The following NEGR1 variants were observed in gnomAD, a reference collection of about 807,000 sequenced individuals.
The protein encoded by NEGR1 is IgLON family member 4.
Under a neutral mutation model 40.9 loss-of-function variants are expected in NEGR1, and 10 were observed. The observed-to-expected ratio is 0.24, with a 90% CI of 0.15 to 0.42. NEGR1 has a LOEUF of 0.42. NEGR1 is among the 10% of genes least tolerant of loss of function. The pLI is 1.00. For synonymous variants in NEGR1, 185 were observed against 166.8 expected (o/e 1.11, Z -0.84); for missense variants, 352 against 438.9 (o/e 0.80, Z 1.77).
chr1:71,441,801 G>A (rs1260431340), intron 6 of NEGR1, among the ~76,000 whole-genome samples: 1 of 152,128 alleles, frequency 6.6e-6, no homozygotes, highest in Admixed American at 6.5e-5. Flanking sequence ...AGGTTATCAA[G>A]AACACTACAT....
chr1:71,562,180 G>T (rs1377308313), intron 6 of NEGR1, among the ~76,000 whole-genome samples: 1 of 151,540 alleles, frequency 6.6e-6, no homozygotes, highest in Non-Finnish European at 1.5e-5. Flanking sequence ...AAAGATTATC[G>T]GGCAAAATAA....
intron 4 of NEGR1, among the ~76,000 whole-genome samples, chr1:71,661,167 G>T (rs1435565196): frequency 6.6e-6 from 1 of 152,172 alleles, no homozygotes; most frequent in Non-Finnish European, 1.5e-5. Flanking sequence ...ACATACATGT[G>T]CATGTGTCTT....
intron 6 of NEGR1, among the ~76,000 whole-genome samples, chr1:71,567,523 G>T (rs1020846181): frequency 2.6e-5 from 4 of 151,938 alleles, no homozygotes; most frequent in Admixed American, 2.0e-4. Flanking sequence ...CTGCTTTTCT[G>T]ATTTCATGAT....
At chr1:71,478,348 C>T (rs769314848) in intron 6 of NEGR1, among the ~76,000 whole-genome samples, 24 of 152,032 alleles carry the variant, frequency 1.6e-4, no homozygotes, top group Admixed American at 9.2e-4. Context: ...GGCACAGACC[C>T]GCTTTTCCAG....
At chr1:72,175,041 T>C (rs1402438635) in intron 1 of NEGR1, among the ~76,000 whole-genome samples, 2 of 152,080 alleles carry the variant, frequency 1.3e-5, no homozygotes, top group Non-Finnish European at 2.9e-5. Flanking sequence ...TATGTATACA[T>C]GTGCCATGCT....
intron 3 of NEGR1, among the ~76,000 whole-genome samples, chr1:71,769,207 C>T (rs2101709537): frequency 6.6e-6 from 1 of 151,760 alleles, no homozygotes; most frequent in African/African-American, 2.4e-5. Context: ...CTTATTAATA[C>T]AATCATATGT....
chr1:71,824,780 T>C (rs1398226255), intron 2 of NEGR1, among the ~76,000 whole-genome samples: 3 of 151,960 alleles, frequency 2.0e-5, no homozygotes, highest in Admixed American at 2.0e-4. Flanking sequence ...CTAACTTCTT[T>C]TGCCCACCAG....
chr1:71,665,312 GA>G (rs1652206437), intron 4 of NEGR1, among the ~76,000 whole-genome samples: 1 of 152,054 alleles, frequency 6.6e-6, no homozygotes, highest in Non-Finnish European at 1.5e-5. Context: ...ACTTCCTATT[GA>G]CTTTAAATTA....
chr1:71,512,601 G>A (rs1052381468), intron 6 of NEGR1, among the ~76,000 whole-genome samples: 6 of 119,432 alleles, frequency 5.0e-5, no homozygotes, highest in Non-Finnish European at 7.2e-5. Context: ...TTTTTTTTTT[G>A]AGAGTGAGTC....
chr1:71,735,430 T>C lies in NEGR1; in HGVS notation c.536-37291A>G, dbSNP rs189620155. On this transcript the variant is annotated intron_variant, in intron 3 of 6. Transcript: ENST00000357731. ...TACTTCAAAAGTGGCAGGGTGAACC[T>C]GAAATCTGATATTTAATGAATGGTT... Among the ~76,000 whole-genome samples the C allele has an allele frequency of 2.0e-4, 31 of 152,188 alleles. No individual in the cohort carries two copies. The East Asian group carries it at 4.4e-3, about 22-fold the overall frequency.
chr1:71,720,536 G>A (rs915625876), intron 3 of NEGR1, among the ~76,000 whole-genome samples: 1 of 152,032 alleles, frequency 6.6e-6, no homozygotes, highest in Non-Finnish European at 1.5e-5. Flanking sequence ...AAATGAATAT[G>A]CTCAAACGGA....
At chr1:71,800,700 C>T (rs971698735) in intron 2 of NEGR1, among the ~76,000 whole-genome samples, 1 of 152,114 alleles carries the variant, frequency 6.6e-6, no homozygotes, top group East Asian at 1.9e-4. Context: ...CCCATCCAGC[C>T]TCATCCCTCC....
intron 3 of NEGR1, among the ~76,000 whole-genome samples, chr1:71,699,037 A>T (rs1177829607): frequency 6.6e-6 from 1 of 151,876 alleles, no homozygotes; most frequent in Non-Finnish European, 1.5e-5. Flanking sequence ...ACCTCCTTGC[A>T]CAGGCCTTGA....
chr1:71,978,208 A>C (rs927781870), intron 1 of NEGR1, among the ~76,000 whole-genome samples: 1 of 151,832 alleles, frequency 6.6e-6, no homozygotes, highest in African/African-American at 2.4e-5. Context: ...GTGCTGTCTG[A>C]AAATTATATG....
intron 1 of NEGR1, among the ~76,000 whole-genome samples, chr1:71,998,500 A>G (rs2100374799): frequency 6.6e-6 from 1 of 151,936 alleles, no homozygotes; most frequent in East Asian, 1.9e-4. Context: ...TCTCACACAC[A>G]GTACACTAAG....
At chr1:71,751,278 T>C (rs1045015296) in intron 3 of NEGR1, among the ~76,000 whole-genome samples, 5 of 152,166 alleles carry the variant, frequency 3.3e-5, no homozygotes, top group Non-Finnish European at 7.4e-5. Context: ...TATTTATTTA[T>C]ACAGTTTACT....
At chr1:71,798,495 C>CT (rs776642388) in intron 2 of NEGR1, among the ~76,000 whole-genome samples, 3 of 152,264 alleles carry the variant, frequency 2.0e-5, no homozygotes, top group Admixed American at 2.0e-4. Context: ...TTAATTATAT[C>CT]TTCACTGTGC....
chr1:71,452,559 G>A (rs952727251), intron 6 of NEGR1, among the ~76,000 whole-genome samples: 2 of 152,118 alleles, frequency 1.3e-5, no homozygotes, highest in Non-Finnish European at 2.9e-5. Context: ...TTAAATCCAT[G>A]TCCTTTTCTC....
intron 1 of NEGR1, among the ~76,000 whole-genome samples, chr1:72,189,987 A>G (rs759381327): frequency 4.0e-5 from 6 of 151,506 alleles, no homozygotes; most frequent in Non-Finnish European, 7.4e-5. Context: ...CTCTTTTCCC[A>G]ATCCTCATTT....
Sources: gnomAD v4.1 joint callset for allele counts (sites outside exome capture counted in the v4.1 genomes callset) on GRCh38, gnomAD v4.1.1 for gene constraint, MANE v1.5 for transcripts, NCBI Gene and HGNC (gene_info 2026-07-23, HGNC 2026-07-21) for gene names.